Variants in XRCC6 observed in about 807,000 individuals in gnomAD.
XRCC6 encodes DNA repair protein Ku70.
A neutral mutation model predicts 65.7 loss-of-function variants in XRCC6; 5 were observed. The ratio of observed to expected loss-of-function variants is 0.08; its 90% CI spans 0.04 to 0.16. The LOEUF is 0.16. Ranked by LOEUF, XRCC6 falls within the 10% of genes least tolerant of loss-of-function variation. The probability of loss-of-function intolerance (pLI) is 1.00; values close to 1 mark genes in which losing one functional copy is unlikely to be tolerated. For synonymous variants in XRCC6, 270 were observed against 270.6 expected (o/e 1.00, Z 0.02); for missense variants, 447 against 738.1 (o/e 0.61, Z 4.57).
At chr22:41,657,987 C>G (rs1309425600) in intron 10 of XRCC6, among the ~76,000 whole-genome samples, 1 of 152,034 alleles carries the variant, frequency 6.6e-6, no homozygotes, top group Non-Finnish European at 1.5e-5. Flanking sequence ...ACATGCCTGG[C>G]TGATTTTTAA....
chr22:41,651,134 C>G (rs528203350), intron 8 of XRCC6, among the ~76,000 whole-genome samples: 2 of 152,196 alleles, frequency 1.3e-5, no homozygotes, highest in Admixed American at 1.3e-4. Context: ...CTCGTCTCTA[C>G]TAAAAATACA....
At chr22:41,634,820 G>A (rs929900298) in intron 3 of XRCC6, among the ~76,000 whole-genome samples, 9 of 152,130 alleles carry the variant, frequency 5.9e-5, no homozygotes, top group African/African-American at 2.2e-4. Flanking sequence ...TGGGATTATA[G>A]GCATGAGCCA....
At chr22:41,651,938 C>T (rs1218173617) in intron 8 of XRCC6, among the ~76,000 whole-genome samples, 1 of 152,012 alleles carries the variant, frequency 6.6e-6, no homozygotes, top group East Asian at 1.9e-4. Context: ...TGCACGCCAC[C>T]ACGCCCGGCT....
intron 7 of XRCC6, chr22:41,648,061 T>TCTCCC (rs2067954814): frequency 5.8e-5 from 3 of 52,170 alleles, no homozygotes; most frequent in Admixed American, 2.8e-4. Flanking sequence ...CCTCCCCTCC[T>TCTCCC]CTCCCCTCCT....
chr22:41,662,050 A>C (rs1260631817), intron 12 of XRCC6, among the ~76,000 whole-genome samples: 1 of 152,184 alleles, frequency 6.6e-6, no homozygotes, highest in Admixed American at 6.5e-5. Flanking sequence ...GAGAGCATAG[A>C]AGGATGGTTA....
chr22:41,633,249 C>T (rs927394350), intron 3 of XRCC6, among the ~76,000 whole-genome samples: 4 of 152,132 alleles, frequency 2.6e-5, no homozygotes, highest in Non-Finnish European at 5.9e-5. Context: ...AGAACCTTGC[C>T]CCACAATCAA....
At chr22:41,649,805 G>A (rs1350638441) in intron 7 of XRCC6, among the ~76,000 whole-genome samples, 1 of 150,786 alleles carries the variant, frequency 6.6e-6, no homozygotes, top group Non-Finnish European at 1.5e-5. Flanking sequence ...GCAGTGAGCC[G>A]AGATCGCTGC....
At chr22:41,641,693 C>T (rs1011572977) in intron 6 of XRCC6, among the ~76,000 whole-genome samples, 11 of 152,096 alleles carry the variant, frequency 7.2e-5, no homozygotes, top group African/African-American at 2.2e-4. Flanking sequence ...GAAATAAGAA[C>T]ATTCAAAGTT....
chr22:41,623,915 G>C (rs1282771511), intron 2 of XRCC6, among the ~76,000 whole-genome samples: 1 of 151,858 alleles, frequency 6.6e-6, no homozygotes, highest in East Asian at 1.9e-4. Flanking sequence ...TAGAGGCAGT[G>C]TTTCACCATG....
At chr22:41,629,567 A>G (rs186945077) in intron 3 of XRCC6, among the ~76,000 whole-genome samples, 19 of 152,336 alleles carry the variant, frequency 1.2e-4, no homozygotes, top group Non-Finnish European at 2.1e-4. Flanking sequence ...CAACTGCTCA[A>G]TGGGTATGGG....
chr22:41,638,306 G>T (rs180800707), intron 6 of XRCC6, among the ~76,000 whole-genome samples: 2 of 152,122 alleles, frequency 1.3e-5, no homozygotes, highest in African/African-American at 4.8e-5. Context: ...TTTTGTCATT[G>T]TGCAAACATA....
chr22:41,639,557 G>A (rs1205191535), intron 6 of XRCC6, among the ~76,000 whole-genome samples: 1 of 151,262 alleles, frequency 6.6e-6, no homozygotes, highest in Non-Finnish European at 1.5e-5. Flanking sequence ...GCTTTGCACA[G>A]GCTGGTTGCA....
intron 7 of XRCC6, among the ~76,000 whole-genome samples, chr22:41,647,594 A>AG (rs1343637887): frequency 6.6e-6 from 1 of 151,748 alleles, no homozygotes; most frequent in African/African-American, 2.4e-5. Flanking sequence ...AAAAAAAAAA[A>AG]AAAGAGACGG....
Position 41,661,367 on chromosome 22 carries a change from C to T in XRCC6, c.1559C>T (p.Ser520Phe), listed in dbSNP as rs1271482191. ...GAAGCAATGAATAAAAGACTGGGCT[C>T]CTTGGTGGATGAGTTTAAGGAGCTT... Reference protein sequence around the residue: ...KVEAMNKRLGSLVDEFKELVY... With the variant: ...KVEAMNKRLGFLVDEFKELVY... Residue 520 changes from serine (S) to phenylalanine (F), a missense_variant, in exon 12 of 13, where the codon TCC becomes TTC. Physicochemically the swap from Ser to Phe is radical, Grantham distance 155. Coordinates refer to ENST00000360079, the MANE Select transcript of XRCC6 (RefSeq NM_001469.5). 6.2e-7 allele frequency: 1 copy of T among 1,613,880 alleles called. No homozygotes were observed. Among genetic ancestry groups the T allele is most frequent in the Non-Finnish European group, 8.5e-7 (1 of 1,179,962 alleles).
At chr22:41,658,426 G>C (rs560913351) in intron 11 of XRCC6, 74 bp downstream of exon 11, 8 of 1,421,330 alleles carry the variant, frequency 5.6e-6, no homozygotes, top group Non-Finnish European at 7.9e-6. Flanking sequence ...CAGTAATTTG[G>C]GTGCATTTCC....
chr22:41,657,157 T>G, intron 10 of XRCC6, 125 bp downstream of exon 10: 3 of 1,217,586 alleles, frequency 2.5e-6, no homozygotes, highest in Non-Finnish European at 3.3e-6. Context: ...CTACTTGTTA[T>G]TAATAGTTTT....
chr22:41,640,200 G>A (rs991166453), intron 6 of XRCC6, among the ~76,000 whole-genome samples: 2 of 151,818 alleles, frequency 1.3e-5, no homozygotes, highest in South Asian at 2.1e-4. Context: ...CCAGGCTGGA[G>A]TGCAGTGGCG....
chr22:41,651,207 A>G (rs891450185), intron 8 of XRCC6, among the ~76,000 whole-genome samples: 1 of 151,998 alleles, frequency 6.6e-6, no homozygotes, highest in African/African-American at 2.4e-5. Context: ...CTGACGCATG[A>G]AAATCGCTTG....
intron 2 of XRCC6, among the ~76,000 whole-genome samples, chr22:41,623,419 G>T (rs369206098): frequency 6.6e-6 from 1 of 151,180 alleles, no homozygotes; most frequent in African/African-American, 2.4e-5. Flanking sequence ...AGACAGTCTT[G>T]CTCTGTCGCC....
Sources: gnomAD v4.1 joint callset for allele counts (sites outside exome capture counted in the v4.1 genomes callset) on GRCh38, gnomAD v4.1.1 for gene constraint, MANE v1.5 for transcripts, NCBI Gene and HGNC (gene_info 2026-07-23, HGNC 2026-07-21) for gene names.